NBEA: variants seen among roughly 807,000 people sequenced by gnomAD.
The protein encoded by NBEA is neurobeachin, also known as lysosomal-trafficking regulator 2.
A neutral mutation model predicts 343.4 loss-of-function variants in NBEA; 44 were observed. That is an observed-to-expected ratio of 0.13 (90% CI 0.10 to 0.16). The LOEUF (loss-of-function observed/expected upper bound fraction) is 0.16, where lower values mean the gene tolerates loss of function less well. Among genes scored for constraint, NBEA ranks in the 10% least tolerant of loss-of-function variants. The pLI is 1.00. For missense variants in NBEA, 2,555 were observed against 3,631.3 expected, an observed-to-expected ratio of 0.70 and a Z score of 7.62; for synonymous variants, 1,175 against 1,238.7, an observed-to-expected ratio of 0.95 and a Z score of 1.08.
At chr13:35,582,203 G>C (rs915506877) in intron 45 of NBEA, among the ~76,000 whole-genome samples, 4 of 152,094 alleles carry the variant, frequency 2.6e-5, no homozygotes, top group Admixed American at 1.3e-4. Context: ...GGAGAATGGC[G>C]TGAACCCAGG....
At chr13:35,245,720 C>A (rs2031089798) in intron 34 of NBEA, among the ~76,000 whole-genome samples, 1 of 152,098 alleles carries the variant, frequency 6.6e-6, no homozygotes, top group African/African-American at 2.4e-5. Context: ...TCTTCAAATT[C>A]TTTCCTTTGC....
intron 41 of NBEA, among the ~76,000 whole-genome samples, chr13:35,507,095 A>C (rs2077098035): frequency 1.3e-5 from 2 of 152,108 alleles, no homozygotes; most frequent in African/African-American, 4.8e-5. Context: ...TAAGGTCACC[A>C]ATGACCTCCC....
chr13:35,048,031 A>G (rs1444664461), intron 4 of NBEA, among the ~76,000 whole-genome samples: 6 of 151,782 alleles, frequency 4.0e-5, no homozygotes, highest in Non-Finnish European at 5.9e-5. Context: ...TCAGTAGTTA[A>G]GTTTCTGAGT....
chr13:35,247,515 G>A (rs148067111), intron 34 of NBEA, among the ~76,000 whole-genome samples: 441 of 152,150 alleles, frequency 2.9e-3, no homozygotes, highest in Non-Finnish European at 5.0e-3. Context: ...CTCAGTTTCA[G>A]GTAAGGTTAG....
intron 1 of NBEA, among the ~76,000 whole-genome samples, chr13:35,021,050 C>G (rs540864305): frequency 1.3e-5 from 2 of 152,140 alleles, no homozygotes; most frequent in South Asian, 2.1e-4. Context: ...AGAAGCATCC[C>G]TTCTTCCGGT....
chr13:35,074,142 G>A (rs1306895966), intron 10 of NBEA, among the ~76,000 whole-genome samples: 1 of 152,120 alleles, frequency 6.6e-6, no homozygotes, highest in Non-Finnish European at 1.5e-5. Context: ...CTTTGTGTAT[G>A]TGATTAATTT....
At chr13:35,554,956 C>G (rs1160896526) in intron 43 of NBEA, 31 bp from the exon 44 acceptor site, 1 of 1,146,042 alleles carries the variant, frequency 8.7e-7, no homozygotes, top group Admixed American at 2.1e-5. Flanking sequence ...ATTAAAGAGA[C>G]TATGTTTGTT....
chr13:35,035,752 C>T (rs1310663217), intron 1 of NBEA, among the ~76,000 whole-genome samples: 1 of 151,966 alleles, frequency 6.6e-6, no homozygotes, highest in Non-Finnish European at 1.5e-5. Context: ...ACACCCTTAT[C>T]TTTATATAGT....
chr13:35,336,206 A>G (rs1251590892), intron 36 of NBEA, among the ~76,000 whole-genome samples: 1 of 152,148 alleles, frequency 6.6e-6, no homozygotes, highest in Non-Finnish European at 1.5e-5. Flanking sequence ...AACAAATCCT[A>G]GGGAAGAGAG....
At chr13:35,423,989 C>T (rs2044476375) in intron 38 of NBEA, among the ~76,000 whole-genome samples, 1 of 152,124 alleles carries the variant, frequency 6.6e-6, no homozygotes, top group South Asian at 2.1e-4. Context: ...GTGATTTCTG[C>T]AGATTGATTT....
intron 1 of NBEA, among the ~76,000 whole-genome samples, chr13:35,002,359 G>A (rs536287725): frequency 6.6e-6 from 1 of 152,298 alleles, no homozygotes; most frequent in African/African-American, 2.4e-5. Context: ...GGAACTCTGT[G>A]AGTAAAGGAG....
intron 38 of NBEA, among the ~76,000 whole-genome samples, chr13:35,420,219 A>G (rs1256569506): frequency 1.3e-5 from 2 of 152,078 alleles, no homozygotes; most frequent in African/African-American, 2.4e-5. Context: ...GGTGGAGAAC[A>G]TTCAGTCTTT....
At chr13:35,388,752 A>G (rs2042365189) in intron 38 of NBEA, among the ~76,000 whole-genome samples, 1 of 152,192 alleles carries the variant, frequency 6.6e-6, no homozygotes, top group Non-Finnish European at 1.5e-5. Flanking sequence ...GTGCTGTCAT[A>G]AATTTCCTCT....
chr13:35,081,177 C>G (rs1204645383), intron 10 of NBEA, among the ~76,000 whole-genome samples: 1 of 152,088 alleles, frequency 6.6e-6, no homozygotes, highest in African/African-American at 2.4e-5. Context: ...AGCAGGAGTC[C>G]TATTTTTCTG....
At chr13:35,225,299 G>A (rs575563684) in intron 33 of NBEA, among the ~76,000 whole-genome samples, 3 of 152,020 alleles carry the variant, frequency 2.0e-5, no homozygotes, top group African/African-American at 4.8e-5. Flanking sequence ...GACTCAGAAC[G>A]TTTCCCTTCC....
chr13:35,159,819 A>C lies in NBEA; in HGVS notation c.3648A>C (p.Gly1216=). Reference sequence around the variant, plus strand: ...TCAAAATCCATACAACTTCAGATGGAATGAGCAGTATTTCTGAAAGAGACT... The same window carrying C: ...TCAAAATCCATACAACTTCAGATGGCATGAGCAGTATTTCTGAAAGAGACT... ...KEFKIHTTSD[G]MSSISERDLA... Residue 1216 remains glycine (G), a synonymous_variant, in exon 22 of 59, where the codon GGA becomes GGC. Transcript: ENST00000379939. 1 of 1,610,654 alleles carries C rather than the reference A, an allele frequency of 6.2e-7. No homozygotes were observed. The highest frequency in any genetic ancestry group is 1.1e-5 in the South Asian group (1 of 90,526).
At chr13:35,646,498 G>A (rs890114813) in intron 51 of NBEA, 150 bp downstream of exon 51, 4 of 637,962 alleles carry the variant, frequency 6.3e-6, no homozygotes, top group Middle Eastern at 3.1e-4. Context: ...ATACCCCAGG[G>A]AGAGACAGAG....
At chr13:34,986,025 C>T (rs1309304989) in intron 1 of NBEA, among the ~76,000 whole-genome samples, 4 of 150,294 alleles carry the variant, frequency 2.7e-5, no homozygotes, top group Admixed American at 2.7e-4. Flanking sequence ...TTTTTTGTGT[C>T]TCTATCTCTT....
chr13:34,961,605 T>C (rs1273286639), intron 1 of NBEA, among the ~76,000 whole-genome samples: 1 of 152,098 alleles, frequency 6.6e-6, no homozygotes, highest in Admixed American at 6.6e-5. Context: ...ACTTACCGTA[T>C]GTAAAGCTAG....
Sources: gnomAD v4.1 joint callset for allele counts (sites outside exome capture counted in the v4.1 genomes callset) on GRCh38, gnomAD v4.1.1 for gene constraint, MANE v1.5 for transcripts, NCBI Gene and HGNC (gene_info 2026-07-23, HGNC 2026-07-21) for gene names.